ATAD2: variants seen among roughly 807,000 people sequenced by gnomAD.
The protein encoded by ATAD2 is ATPase family AAA domain containing 2, also known as ATPase family AAA domain-containing protein 2.
ATAD2 carries 62 observed loss-of-function variants against 168.9 expected under a neutral mutation model. That is an observed-to-expected ratio of 0.37 (90% CI 0.30 to 0.45). The LOEUF (loss-of-function observed/expected upper bound fraction) is 0.45. Among genes scored for constraint, ATAD2 ranks in the 20% least tolerant of loss-of-function variants. The pLI, the probability that ATAD2 is intolerant of heterozygous loss-of-function variation, is 1.00. For missense variants in ATAD2, 1,419 were observed against 1,667.8 expected, an observed-to-expected ratio of 0.85 and a Z score of 2.60; for synonymous variants, 613 against 571.6, an observed-to-expected ratio of 1.07 and a Z score of -1.03.
chr8:123,327,280 G>A (rs950738643), intron 25 of ATAD2, among the ~76,000 whole-genome samples: 1 of 152,204 alleles, frequency 6.6e-6, no homozygotes, highest in Middle Eastern at 3.4e-3. Context: ...TCCTGATATC[G>A]AAGCAAGTAC....
chr8:123,320,773 T>G lies in ATAD2; in HGVS notation c.*361A>C, dbSNP rs1005189645. On this transcript the variant is annotated 3_prime_UTR_variant, in exon 28 of 28. Transcript: ENST00000287394. The stretch of plus-strand genomic sequence containing the variant: ...TTCTTGTCAGATACAATAAACTATT[T>G]TTAGGAAGGATAAAATTAAAAGTGC... The G allele has an allele frequency of 5.5e-6, 1 of 180,598 alleles. No individual in the cohort carries two copies. The highest frequency in any genetic ancestry group is 2.4e-5 in the African/African-American group (1 of 42,020). 11.2% of individuals were successfully genotyped at this position (180,598 alleles called of 1,614,324 possible).
At chr8:123,398,323 C>T (rs139699836), upstream of ATAD2, among the ~76,000 whole-genome samples, 1,228 of 150,002 alleles carry the variant, frequency 8.2e-3, 23 homozygotes, top group African/African-American at 0.027. Flanking sequence ...CTCTGCCTCC[C>T]GGGTTCAAGC....
At chr8:123,397,895 TG>T (rs983308611), upstream of ATAD2, among the ~76,000 whole-genome samples, 1 of 152,114 alleles carries the variant, frequency 6.6e-6, no homozygotes, top group African/African-American at 2.4e-5. Flanking sequence ...TAGATGGTTC[TG>T]GAAGAAGAGA....
Position 123,333,904 on chromosome 8 carries a change from C to G in ATAD2, c.3452G>C (p.Ser1151Thr). Residue 1151 changes from serine (S) to threonine (T), a missense_variant, in exon 24 of 28, where the codon AGT becomes ACT. Ser to Thr is a moderately conservative substitution (Grantham distance 58). Coordinates refer to ENST00000287394, the MANE Select transcript of ATAD2 (RefSeq NM_014109.4). Reference protein sequence around the residue: ...PEQNEKLKTPSTPVACSTPAQ... With the variant: ...PEQNEKLKTPTTPVACSTPAQ... ...AGGAGTGCTGCAAGCCACAGGAGTA[C>G]TCGGTGTCTTTAGCTTTTCATTCTG... 1 of 1,613,998 alleles carries G rather than the reference C, an allele frequency of 6.2e-7. No homozygotes were observed. Among genetic ancestry groups the G allele is most frequent in the South Asian group, 1.1e-5 (1 of 91,058 alleles).
At chr8:123,392,506 A>T (rs1245943430) in intron 1 of ATAD2, among the ~76,000 whole-genome samples, 2 of 152,150 alleles carry the variant, frequency 1.3e-5, no homozygotes, top group Non-Finnish European at 2.9e-5. Flanking sequence ...CATAAAAAAA[A>T]AATCTTACCT....
chr8:123,345,050 C>G lies in ATAD2; in HGVS notation c.2552G>C (p.Arg851Thr). The G allele has an allele frequency of 1.2e-6, 2 of 1,608,672 alleles. No homozygotes were observed. The highest frequency in any genetic ancestry group is 1.7e-6 in the Non-Finnish European group (2 of 1,175,896). ...AACATACACTATACTTGGTGCTGTT[C>G]TCTTAGCTTCACGAATCACCTAGTA... ...TCAQVIREAK[R>T]TAPSIVYVPH... is the part of the protein sequence containing the mutation. The change falls in exon 19 of 28, where the codon AGA becomes ACA. Residue 851 changes from arginine (R) to threonine (T), a missense_variant. Physicochemically the swap from Arg to Thr is moderately conservative, Grantham distance 71 (BLOSUM62 -1). This residue lies in a region of ATAD2 where 545 missense variants were observed against 724.9 expected (regional missense o/e 0.75). Coordinates refer to ENST00000287394, the MANE Select transcript of ATAD2 (RefSeq NM_014109.4).
At position 123,337,621 on chromosome 8, in the gene ATAD2, A is replaced by T; in HGVS notation, c.3051+4T>A. 6.3e-7 allele frequency: 1 copy of T among 1,591,878 alleles called. No homozygotes were observed. The highest frequency in any genetic ancestry group is 8.5e-7 in the Non-Finnish European group (1 of 1,170,140). The stretch of plus-strand genomic sequence containing the variant: ...TACACTTGATCCAAAGATTAAACTA[A>T]TACCTCATCAGGGTCAACAGGCTTA... On this transcript the variant is annotated splice_donor_region_variant and intron_variant, in intron 21 of 27. Coordinates refer to ENST00000287394, the MANE Select transcript of ATAD2 (RefSeq NM_014109.4).
At chr8:123,375,327 G>C (rs1463777565) in intron 2 of ATAD2, among the ~76,000 whole-genome samples, 2 of 152,182 alleles carry the variant, frequency 1.3e-5, no homozygotes, top group Non-Finnish European at 2.9e-5. Flanking sequence ...CAGAACCACA[G>C]TGAGATACTT....
chr8:123,389,440 C>T (rs765032342), intron 1 of ATAD2, among the ~76,000 whole-genome samples: 2 of 150,256 alleles, frequency 1.3e-5, no homozygotes, highest in Admixed American at 6.6e-5. Context: ...GAGATTGAGA[C>T]CATCCTGGCT....
chr8:123,381,457 C>T (rs928156718), intron 1 of ATAD2, among the ~76,000 whole-genome samples: 1 of 151,694 alleles, frequency 6.6e-6, no homozygotes, highest in Non-Finnish European at 1.5e-5. Context: ...CCCGTGATCG[C>T]GCCACTGCAC....
intron 3 of ATAD2, 35 bp from the exon 4 acceptor site, chr8:123,371,870 A>G: frequency 1.4e-6 from 2 of 1,466,656 alleles, no homozygotes; most frequent in South Asian, 2.9e-5. Context: ...AAATAGAAAC[A>G]TTTGAAATAA....
At chr8:123,334,950 A>T (rs1164448208) in intron 22 of ATAD2, among the ~76,000 whole-genome samples, 1 of 152,200 alleles carries the variant, frequency 6.6e-6, no homozygotes. Context: ...GGGCTTTCTA[A>T]CATGGCATTT....
chr8:123,377,032 AG>A (rs1829334833), intron 2 of ATAD2, among the ~76,000 whole-genome samples: 1 of 141,366 alleles, frequency 7.1e-6, no homozygotes, highest in Admixed American at 7.6e-5. Flanking sequence ...CGGAGGTTGC[AG>A]TGAGCCACGA....
Position 123,357,658 on chromosome 8 carries a change from C to T in ATAD2, c.1461G>A (p.Gly487=). The T allele has an allele frequency of 1.2e-6, 2 of 1,614,022 alleles. No homozygotes were observed. The highest frequency in any genetic ancestry group is 1.7e-6 in the Non-Finnish European group (2 of 1,179,992). Residue 487 remains glycine (G), a synonymous_variant, in exon 12 of 28, where the codon GGG becomes GGA. Coordinates refer to ENST00000287394, the MANE Select transcript of ATAD2 (RefSeq NM_014109.4). ...TCATGAAAAATGCTACTCTTTTATC[C>T]CCTTGACTGCACTCATTGGCAAGTG... ...ARALANECSQ[G]DKRVAFFMRK...
intron 8 of ATAD2, among the ~76,000 whole-genome samples, chr8:123,367,974 C>T (rs1256297315): frequency 3.9e-5 from 6 of 152,128 alleles, no homozygotes; most frequent in Non-Finnish European, 7.4e-5. Flanking sequence ...CCTAAGGCTT[C>T]GGTCTTACTT....
rs186388620 is a variant in ATAD2 at position 123,404,979 on chromosome 8, G to T, written c.-2281-3804C>A. ...AGATCACATTCACACATAAGAGGGG[G>T]GTTGGGACTTGAATATCTTTTTGGA... On this transcript the variant is annotated intron_variant, in intron 1 of 28. Coordinates refer to the ATAD2 transcript ENST00000521903. Among the ~76,000 whole-genome samples, 14 of 152,276 alleles carry T rather than the reference G, an allele frequency of 9.2e-5. No individual in the cohort carries two copies. The East Asian group carries it at 2.5e-3, about 27-fold the overall frequency.
intron 24 of ATAD2, among the ~76,000 whole-genome samples, chr8:123,332,868 A>T (rs1827810275): frequency 6.6e-6 from 1 of 152,024 alleles, no homozygotes. Context: ...TCTTGCTTAA[A>T]GCTGATTTGA....
intron 2 of ATAD2, among the ~76,000 whole-genome samples, chr8:123,375,449 G>C (rs1563858050): frequency 6.6e-6 from 1 of 152,146 alleles, no homozygotes; most frequent in Non-Finnish European, 1.5e-5. Flanking sequence ...TAAATGTTTT[G>C]GAAAAGTATG....
upstream of ATAD2, among the ~76,000 whole-genome samples, chr8:123,398,023 C>G (rs1379395938): frequency 6.6e-6 from 1 of 151,908 alleles, no homozygotes; most frequent in African/African-American, 2.4e-5. Context: ...TATTATAGCC[C>G]CCAAATTCCC....
Sources: allele counts gnomAD v4.1 joint callset (sites outside exome capture counted in the v4.1 genomes callset), GRCh38; gene constraint gnomAD v4.1.1; regional missense constraint gnomAD v4.1.1; transcripts MANE v1.5; gene names NCBI Gene and HGNC (gene_info 2026-07-23, HGNC 2026-07-21).